RYR3: variants seen among roughly 807,000 people sequenced by gnomAD.
RYR3 encodes the protein brain ryanodine receptor-calcium release channel.
Under a neutral mutation model 584.3 loss-of-function variants are expected in RYR3, and 207 were observed. The observed-to-expected ratio is 0.35, with a 90% CI of 0.32 to 0.40. The LOEUF (loss-of-function observed/expected upper bound fraction) is 0.40. Ranked by LOEUF, RYR3 falls within the 10% of genes least tolerant of loss-of-function variation. The pLI is 1.00. For synonymous variants in RYR3, 2,416 were observed against 2,248.5 expected, an observed-to-expected ratio of 1.07 and a Z score of -2.11; for missense variants, 5,616 against 6,089.2, an observed-to-expected ratio of 0.92 and a Z score of 2.59.
chr15:33,429,097 C>T (rs576290672), intron 1 of RYR3, among the ~76,000 whole-genome samples: 14 of 152,092 alleles, frequency 9.2e-5, no homozygotes, highest in Non-Finnish European at 1.6e-4. Context: ...TTCTCCTGCT[C>T]GCATCCTTCG....
At chr15:33,765,652 A>AAAAG (rs1338775428) in intron 60 of RYR3, among the ~76,000 whole-genome samples, 1 of 149,376 alleles carries the variant, frequency 6.7e-6, no homozygotes, top group African/African-American at 2.5e-5. Flanking sequence ...AAAAAAAAAA[A>AAAAG]AAAGAAAATA....
chr15:33,356,245 C>T (rs984520079), intron 1 of RYR3, among the ~76,000 whole-genome samples: 2 of 152,096 alleles, frequency 1.3e-5, no homozygotes, highest in Non-Finnish European at 2.9e-5. Context: ...AACCTAAGAT[C>T]CCTTTTCTCT....
At chr15:33,710,899 A>G (rs1052694019) in intron 43 of RYR3, among the ~76,000 whole-genome samples, 5 of 152,222 alleles carry the variant, frequency 3.3e-5, no homozygotes, top group African/African-American at 1.2e-4. Flanking sequence ...CTGGCCCACA[A>G]GTTAATTCTT....
chr15:33,484,095 G>A (rs1174642570), intron 2 of RYR3, among the ~76,000 whole-genome samples: 3 of 151,938 alleles, frequency 2.0e-5, no homozygotes, highest in Admixed American at 2.0e-4. Context: ...TTTTGCTATA[G>A]GTAGTTCCAC....
At chr15:33,552,102 G>T (rs993093569) in intron 10 of RYR3, among the ~76,000 whole-genome samples, 1 of 152,164 alleles carries the variant, frequency 6.6e-6, no homozygotes, top group South Asian at 2.1e-4. Context: ...CAATGACCTC[G>T]AGGTCTTTAC....
chr15:33,708,258 GA>G (rs1206878297), intron 43 of RYR3, among the ~76,000 whole-genome samples: 4 of 152,284 alleles, frequency 2.6e-5, no homozygotes, highest in African/African-American at 7.2e-5. Flanking sequence ...TGGATATTAA[GA>G]ATTTATACAG....
At chr15:33,669,880 G>GGTGTGTGTGTGT (rs71117160) in intron 37 of RYR3, among the ~76,000 whole-genome samples, 173 of 103,492 alleles carry the variant, frequency 1.7e-3, no homozygotes, top group Non-Finnish European at 7.4e-4. Flanking sequence ...GGGTGTGTGT[G>GGTGTGTGTGTGT]GTGTGTGTGT....
At chr15:33,789,658 ATTTTTTTTTTTTTT>A (rs869151934) in intron 67 of RYR3, among the ~76,000 whole-genome samples, 8 of 12,766 alleles carry the variant, frequency 6.3e-4, no homozygotes, top group East Asian at 4.7e-3. Flanking sequence ...ATATATATAT[ATTTTTTTTTTTTTT>A]TTTTTTTTTT....
At chr15:33,825,507 G>A in intron 81 of RYR3, 96 bp from the exon 82 acceptor site, 2 of 746,362 alleles carry the variant, frequency 2.7e-6, no homozygotes, top group Non-Finnish European at 4.6e-6. Flanking sequence ...ATAACACAGG[G>A]GCAGGATATG....
chr15:33,380,780 C>G (rs1170573973), intron 1 of RYR3, among the ~76,000 whole-genome samples: 2 of 152,254 alleles, frequency 1.3e-5, no homozygotes, highest in Non-Finnish European at 2.9e-5. Context: ...ACGTACACTT[C>G]AGCCAAGCCT....
In RYR3 at chr15:33,646,476, C is replaced by T; in HGVS notation, c.3891C>T (p.His1297=). The T allele has an allele frequency of 6.2e-7, 1 of 1,613,932 alleles. No individual in the cohort carries two copies. The highest frequency in any genetic ancestry group is 8.5e-7 in the Non-Finnish European group (1 of 1,179,842). Residue 1297 remains histidine (H), a synonymous_variant, in exon 29 of 104, where the codon CAC becomes CAT. Coordinates refer to ENST00000634891, the MANE Select transcript of RYR3 (RefSeq NM_001036.6). ...GCTTGAGCATGCCTGTCGAGTGCCA[C>T]TCCTCCTTCAGCCACAGCCCCTGTC... is the stretch of plus-strand genomic sequence containing the variant. ...YCRLSMPVEC[H]SSFSHSPCLD...
rs1174324204 is a variant in RYR3 at position 33,750,599 on chromosome 15, G to A, written c.8399+313G>A. On this transcript the variant is annotated intron_variant, in intron 57 of 103. Transcript: ENST00000634891. ...TGCTATGGGCTAAGGCCCTTTCTTT[G>A]TATATTCTCTTTATTGGAGTTATAA... 3.3e-5 allele frequency among the ~76,000 whole-genome samples: 5 copies of A among 152,068 alleles called. No individual in the cohort carries two copies. In the East Asian group the frequency reaches 9.6e-4, roughly 29 times the overall value.
chr15:33,608,648 A>G (rs1421335895), intron 18 of RYR3, among the ~76,000 whole-genome samples: 2 of 152,240 alleles, frequency 1.3e-5, no homozygotes, highest in Non-Finnish European at 2.9e-5. Flanking sequence ...GATTATCAAC[A>G]GTTACCCTTT....
chr15:33,810,947 C>T (rs915564109), intron 71 of RYR3, 31 bp from the exon 72 acceptor site: 10 of 1,579,658 alleles, frequency 6.3e-6, no homozygotes, highest in African/African-American at 2.7e-5. Flanking sequence ...TGGTGATCTC[C>T]GGGAATAAAA....
chr15:33,385,710 C>CTTTTTTTT (rs10682215), intron 1 of RYR3, among the ~76,000 whole-genome samples: 1,360 of 131,368 alleles, frequency 0.01, 50 homozygotes, highest in African/African-American at 0.038. Context: ...TTTTTCTTTT[C>CTTTTTTTT]TTTTTTTTTT....
chr15:33,760,706 A>G (rs1479080401), intron 60 of RYR3, among the ~76,000 whole-genome samples: 1 of 152,232 alleles, frequency 6.6e-6, no homozygotes, highest in Non-Finnish European at 1.5e-5. Context: ...CAGAAAATTA[A>G]CAAGGATATG....
chr15:33,489,477 C>T (rs116627257), intron 2 of RYR3, among the ~76,000 whole-genome samples: 6 of 152,184 alleles, frequency 3.9e-5, no homozygotes, highest in African/African-American at 1.4e-4. Context: ...GCTTTTCCTG[C>T]ATTAGTTTAC....
intron 32 of RYR3, among the ~76,000 whole-genome samples, chr15:33,657,812 G>A (rs758733271): frequency 3.3e-5 from 5 of 152,158 alleles, no homozygotes; most frequent in Non-Finnish European, 7.4e-5. Context: ...GGCCACTTTT[G>A]TGTACTAGAA....
At chr15:33,539,814 A>T (rs1484808356) in intron 6 of RYR3, among the ~76,000 whole-genome samples, 1 of 152,150 alleles carries the variant, frequency 6.6e-6, no homozygotes, top group Non-Finnish European at 1.5e-5. Flanking sequence ...TAAGGAAATC[A>T]TAAGGAAGAG....
Sources: allele counts gnomAD v4.1 joint callset (sites outside exome capture counted in the v4.1 genomes callset), GRCh38; gene constraint gnomAD v4.1.1; transcripts MANE v1.5; gene names NCBI Gene and HGNC (gene_info 2026-07-23, HGNC 2026-07-21).